Variants in MAN1C1 observed in about 807,000 individuals in gnomAD.
The protein encoded by MAN1C1 is mannosidase alpha class 1C member 1.
In MAN1C1, 49 loss-of-function variants were observed where a neutral mutation model predicts 71.5. The observed-to-expected ratio is 0.69, with a 90% CI of 0.54 to 0.87. The LOEUF is 0.87. MAN1C1 is among the 40% of genes least tolerant of loss of function. MAN1C1 has a pLI of 0.00. For missense variants in MAN1C1, 743 were observed against 835.0 expected, an observed-to-expected ratio of 0.89 and a Z score of 1.36; for synonymous variants, 352 against 343.7, an observed-to-expected ratio of 1.02 and a Z score of -0.27.
intron 2 of MAN1C1, among the ~76,000 whole-genome samples, chr1:25,734,552 A>G (rs1409472082): frequency 1.3e-5 from 2 of 152,232 alleles, no homozygotes; most frequent in Non-Finnish European, 2.9e-5. Context: ...TTCCACAAGA[A>G]GCTTTTGTGG....
At chr1:25,761,620 C>CTTTTTTTTTTTTTTTT (rs71014385) in intron 6 of MAN1C1, 1 of 95,814 alleles carries the variant, frequency 1.0e-5, no homozygotes, top group African/African-American at 4.3e-5. Context: ...ACCTCTACTT[C>CTTTTTTTTTTTTTTTT]TTTTTTTTTT....
At chr1:25,781,194 G>A in intron 10 of MAN1C1, 82 bp downstream of exon 10, 3 of 1,510,482 alleles carry the variant, frequency 2.0e-6, no homozygotes, top group Non-Finnish European at 2.7e-6. Context: ...CCCTGGCTTG[G>A]GCCTGGAGTG....
intron 1 of MAN1C1, among the ~76,000 whole-genome samples, chr1:25,656,730 G>T (rs1007395891): frequency 6.6e-6 from 1 of 152,138 alleles, no homozygotes; most frequent in Non-Finnish European, 1.5e-5. Flanking sequence ...TCCTGCCCAA[G>T]CTGGCATCTT....
chr1:25,623,350 T>C (rs3767916), intron 1 of MAN1C1, among the ~76,000 whole-genome samples: 25,640 of 152,028 alleles, frequency 0.17, 5,421 homozygotes, highest in African/African-American at 0.49. Flanking sequence ...AATTGCTTCT[T>C]AGGCCCCATA....
At chr1:25,767,971 T>A (rs1572207173) in intron 7 of MAN1C1, among the ~76,000 whole-genome samples, 1 of 61,964 alleles carries the variant, frequency 1.6e-5, no homozygotes, top group Non-Finnish European at 2.9e-5. Context: ...CACACTCCCC[T>A]CACACACACC....
At chr1:25,668,625 G>A (rs541887841) in intron 1 of MAN1C1, among the ~76,000 whole-genome samples, 71 of 149,982 alleles carry the variant, frequency 4.7e-4, no homozygotes, top group African/African-American at 1.7e-3. Flanking sequence ...GCACGATCTC[G>A]GCTCACTGCA....
intron 1 of MAN1C1, among the ~76,000 whole-genome samples, chr1:25,673,546 T>A (rs1272411668): frequency 6.6e-6 from 1 of 152,204 alleles, no homozygotes; most frequent in African/African-American, 2.4e-5. Flanking sequence ...TGGAAAACAC[T>A]AGGTAAATAT....
chr1:25,675,146 T>C (rs2046046344), intron 1 of MAN1C1, among the ~76,000 whole-genome samples: 1 of 152,118 alleles, frequency 6.6e-6, no homozygotes, highest in African/African-American at 2.4e-5. Context: ...GATAAGTTCT[T>C]TAGTGGTGAT....
At chr1:25,772,812 CCT>C (rs1444474262) in intron 8 of MAN1C1, among the ~76,000 whole-genome samples, 1 of 152,194 alleles carries the variant, frequency 6.6e-6, no homozygotes, top group Non-Finnish European at 1.5e-5. Context: ...TTCACGCCTG[CCT>C]CTCTGCTCTG....
chr1:25,689,392 G>A (rs2046276972), intron 2 of MAN1C1, among the ~76,000 whole-genome samples: 1 of 152,174 alleles, frequency 6.6e-6, no homozygotes, highest in African/African-American at 2.4e-5. Flanking sequence ...CCAAGGCTGA[G>A]TTTTTCTGTA....
At chr1:25,675,496 C>T (rs1056533416) in intron 1 of MAN1C1, among the ~76,000 whole-genome samples, 18 of 145,950 alleles carry the variant, frequency 1.2e-4, no homozygotes, top group African/African-American at 3.9e-4. Flanking sequence ...TCGATGGGCA[C>T]TTGGGTTGGT....
intron 2 of MAN1C1, among the ~76,000 whole-genome samples, chr1:25,693,529 G>A (rs770891232): frequency 6.6e-6 from 1 of 152,192 alleles, no homozygotes; most frequent in Non-Finnish European, 1.5e-5. Context: ...TACTTGGGAG[G>A]CTGAGGCAGG....
Position 25,642,130 on chromosome 1 carries a change from A to G in MAN1C1, c.540+23793A>G, listed in dbSNP as rs188811094. On this transcript the variant is annotated intron_variant, in intron 1 of 11. Transcript: ENST00000374332. ...GCCAGGACATAAACAGCTGAAATGA[A>G]AATATTTGCTTGTCCCGAAGTCGAT... 1.1e-4 allele frequency among the ~76,000 whole-genome samples: 16 copies of G among 152,286 alleles called. No homozygotes were observed. In the East Asian group the frequency reaches 2.5e-3, roughly 24 times the overall value.
intron 1 of MAN1C1, among the ~76,000 whole-genome samples, chr1:25,656,983 G>A (rs1270827822): frequency 6.6e-6 from 1 of 152,112 alleles, no homozygotes; most frequent in Non-Finnish European, 1.5e-5. Flanking sequence ...CCGCCACCAT[G>A]TCCGGCTAAT....
At chr1:25,675,604 T>C (rs2046055720) in intron 1 of MAN1C1, among the ~76,000 whole-genome samples, 1 of 147,356 alleles carries the variant, frequency 6.8e-6, no homozygotes, top group African/African-American at 2.5e-5. Flanking sequence ...GGGAGGTGGT[T>C]ACCCAGTGTG....
In MAN1C1 at chr1:25,758,467, G is replaced by C. The variant is rs865899847; in HGVS notation, c.930-125G>C. 3.9e-6 allele frequency: 3 copies of C among 765,792 alleles called. No individual in the cohort carries two copies. In the Middle Eastern group the frequency reaches 8.5e-4, roughly 217 times the overall value. The allele number at this position is 765,792 out of a possible 1,614,324, so 47.4% of individuals were successfully genotyped here. A position where few individuals can be genotyped will look rare whatever the true frequency, so the allele number is the denominator to read the frequency against. On this transcript the variant is annotated intron_variant, in intron 5 of 11. Coordinates refer to ENST00000374332, the MANE Select transcript of MAN1C1 (RefSeq NM_020379.4). ...AGGGAGGATTCACTGAAATTGTACGGCGAAAGCTCCTGGTTCCATGCCTGT... is the reference window on the plus strand; with the variant it reads ...AGGGAGGATTCACTGAAATTGTACGCCGAAAGCTCCTGGTTCCATGCCTGT...
chr1:25,682,113 A>G (rs2046163421), intron 1 of MAN1C1, among the ~76,000 whole-genome samples: 1 of 152,220 alleles, frequency 6.6e-6, no homozygotes, highest in Non-Finnish European at 1.5e-5. Flanking sequence ...GAATGACATC[A>G]AAACAAACAA....
At chr1:25,692,285 G>A (rs2046318976) in intron 2 of MAN1C1, among the ~76,000 whole-genome samples, 1 of 152,226 alleles carries the variant, frequency 6.6e-6, no homozygotes, top group Non-Finnish European at 1.5e-5. Context: ...GCATTAGCAG[G>A]GGGAAACTGT....
In MAN1C1 at chr1:25,753,425, G is replaced by A; in HGVS notation, c.835-59G>A. On this transcript the variant is annotated intron_variant, in intron 4 of 11. Coordinates refer to ENST00000374332, the MANE Select transcript of MAN1C1 (RefSeq NM_020379.4). The surrounding 1 kb of genome is among the most constrained non-coding windows in gnomAD (Gnocchi z 4.9). ...GTTCATCCTGCCTGCAGCAGTTCTG[G>A]GGTTGACCTTCCCTCACCCAGCCTG... 1 of 1,344,448 alleles carries A rather than the reference G, an allele frequency of 7.4e-7. No individual in the cohort carries two copies. Among genetic ancestry groups the A allele is most frequent in the Non-Finnish European group, 1.0e-6 (1 of 956,494 alleles). 83.3% of individuals were successfully genotyped at this position (1,344,448 alleles called of 1,614,324 possible).
Sources: allele counts gnomAD v4.1 joint callset (sites outside exome capture counted in the v4.1 genomes callset), GRCh38; gene constraint gnomAD v4.1.1; non-coding constraint Gnocchi (gnomAD v3.1); transcripts MANE v1.5; gene names NCBI Gene and HGNC (gene_info 2026-07-23, HGNC 2026-07-21).